ZNF765: variants seen among roughly 807,000 people sequenced by gnomAD.
ZNF765 encodes zinc finger protein 765.
ZNF765 carries 37 observed loss-of-function variants against 44.7 expected under a neutral mutation model. That is an observed-to-expected ratio of 0.83 (90% confidence interval 0.64 to 1.09). The LOEUF (loss-of-function observed/expected upper bound fraction) is 1.09, where lower values mean the gene tolerates loss of function less well. Ranked by LOEUF, ZNF765 falls within the 50% of genes least tolerant of loss-of-function variation. The pLI is 0.00. For synonymous variants in ZNF765, 201 were observed against 213.7 expected (o/e 0.94, Z 0.52); for missense variants, 594 against 626.1 (o/e 0.95, Z 0.55).
rs530584637 is a variant in ZNF765 at position 53,408,145 on chromosome 19, T to A, written c.590T>A (p.Leu197Gln). The A allele has an allele frequency of 1.9e-5, 30 of 1,613,956 alleles. No homozygotes were observed. The highest frequency in any genetic ancestry group is 2.3e-5 in the Non-Finnish European group (27 of 1,179,948). The change falls in exon 4 of 4, where the codon CTG (leucine) becomes CAG (glutamine). Residue 197 changes from leucine to glutamine, a missense_variant. Physicochemically the swap from Leu to Gln is moderately radical, Grantham distance 113 (BLOSUM62 -2). Around this residue, in one of 2 missense-constraint regions of ZNF765, gnomAD observed 567 missense variants for 572.6 expected, o/e 0.99. Coordinates refer to ENST00000396408, the MANE Select transcript of ZNF765 (RefSeq NM_001040185.3). ...HISNDYGNNFLNSSLFTQKQE... is the reference protein window; with the variant it reads ...HISNDYGNNFQNSSLFTQKQE... ...TCTAATGACTATGGGAATAATTTCC[T>A]GAATTCTTCATTATTCACACAAAAA...
At position 53,408,108 on chromosome 19, in the gene ZNF765, G is replaced by C; in HGVS notation, c.553G>C (p.Glu185Gln). Residue 185 changes from glutamate (E) to glutamine (Q), a missense_variant, in exon 4 of 4, where the codon GAA (glutamate) becomes CAA (glutamine). Around this residue, in one of 2 missense-constraint regions of ZNF765, gnomAD observed 567 missense variants for 572.6 expected, o/e 0.99. Transcript: ENST00000396408. ...AGCCCAAAGAATTTCTTGTAGGCCT[G>C]AAACCCATATTTCTAATGACTATGG... Reference protein sequence around the residue: ...STAQRISCRPETHISNDYGNN... With the variant: ...STAQRISCRPQTHISNDYGNN... 6.2e-7 allele frequency: 1 copy of C among 1,614,060 alleles called. No individual in the cohort carries two copies. Among genetic ancestry groups the C allele is most frequent in the Non-Finnish European group, 8.5e-7 (1 of 1,179,974 alleles).
At position 53,398,049 on chromosome 19, in the gene ZNF765, T is replaced by A; in HGVS notation, c.15+19T>A. Reference sequence around the variant, plus strand: ...TCCTCAGGTGAGATGATATTCTTGGTGGATTGTTCTGTCTCCTTCTTTTCA... The same window carrying A: ...TCCTCAGGTGAGATGATATTCTTGGAGGATTGTTCTGTCTCCTTCTTTTCA... On this transcript the variant is annotated intron_variant, in intron 2 of 3. Coordinates refer to ENST00000396408, the MANE Select transcript of ZNF765 (RefSeq NM_001040185.3). 1.9e-6 allele frequency: 3 copies of A among 1,612,952 alleles called. No individual in the cohort carries two copies. The highest frequency in any genetic ancestry group is 1.7e-5 in the Admixed American group (1 of 59,958).
At chr19:53,425,236 C>T in exon 4 of ZNF765, 1 of 152,382 alleles carries the variant, frequency 6.6e-6, no homozygotes, top group Non-Finnish European at 1.5e-5. Flanking sequence ...CCTCCCTCCA[C>T]CCACACCGCA....
exon 4 of ZNF765, chr19:53,426,829 A>T (rs2464897): frequency 3.3e-5 from 5 of 150,002 alleles, no homozygotes; most frequent in African/African-American, 1.2e-4. Flanking sequence ...TGCCAAAAAC[A>T]CTGGGAACCG....
exon 4 of ZNF765, chr19:53,426,584 G>A (rs1319706965): frequency 6.6e-6 from 1 of 152,458 alleles, no homozygotes; most frequent in East Asian, 1.9e-4. Context: ...CACAGCAGGA[G>A]GTGAGCAGTG....
chr19:53,410,053 C>T lies in ZNF765; in HGVS notation c.*926C>T. 4 of 468,236 alleles carry T rather than the reference C, an allele frequency of 8.5e-6. No individual in the cohort carries two copies. The highest frequency in any genetic ancestry group is 1.7e-5 in the Non-Finnish European group (4 of 230,316). The allele number at this position is 468,236 out of a possible 1,614,324, so 29.0% of individuals were successfully genotyped here. A position where few individuals can be genotyped will look rare whatever the true frequency, so the allele number is the denominator to read the frequency against. On this transcript the variant is annotated 3_prime_UTR_variant, in exon 4 of 4. Coordinates refer to ENST00000396408, the MANE Select transcript of ZNF765 (RefSeq NM_001040185.3). ...AAAATTTTTCAGACATCCTTCATAC[C>T]TTTGCAGTTCATGGGTGAAGTCGTA...
At chr19:53,402,317 C>T (rs1482177608) in intron 3 of ZNF765, 126 bp downstream of exon 3, 3 of 1,457,412 alleles carry the variant, frequency 2.1e-6, no homozygotes, top group Non-Finnish European at 2.7e-6. Flanking sequence ...AGTGCTGTGG[C>T]ATGATCTCGG....
At chr19:53,401,747 G>A (rs1012860603) in intron 2 of ZNF765, among the ~76,000 whole-genome samples, 12 of 152,022 alleles carry the variant, frequency 7.9e-5, no homozygotes, top group Non-Finnish European at 1.2e-4. Flanking sequence ...GTGGTGGCAC[G>A]TGCCTATAAT....
rs1441609163 is a variant in ZNF765, at chr19:53,411,896, A to G, written c.*2769A>G. 1 of 153,628 alleles carries G rather than the reference A, an allele frequency of 6.5e-6. No individual in the cohort carries two copies. The highest frequency in any genetic ancestry group is 2.4e-5 in the African/African-American group (1 of 41,474). 9.5% of individuals were successfully genotyped at this position (153,628 alleles called of 1,614,324 possible). The stretch of plus-strand genomic sequence containing the variant: ...TTGGTGCTGATACTGTATTGTGCAA[A>G]TCCACTGAATATGTTACTTAGTTCC... On this transcript the variant is annotated 3_prime_UTR_variant, in exon 4 of 4. Coordinates refer to ENST00000396408, the MANE Select transcript of ZNF765 (RefSeq NM_001040185.3).
At position 53,405,752 on chromosome 19, in the gene ZNF765, T is replaced by A. The variant is rs571005687; in HGVS notation, c.143-1946T>A. Among the ~76,000 whole-genome samples, 6 of 151,428 alleles carry A rather than the reference T, an allele frequency of 4.0e-5. No homozygotes were observed. The East Asian group carries it at 1.2e-3, about 29-fold the overall frequency. On this transcript the variant is annotated intron_variant, in intron 3 of 3. Transcript: ENST00000396408. ...ACATGGCTTTTGGCCAATATGAACA[T>A]TCAGACCAGGGAGGCTGCATCATAT...
intron 3 of ZNF765, among the ~76,000 whole-genome samples, chr19:53,418,573 T>C (rs1327150748): frequency 6.6e-6 from 1 of 151,780 alleles, no homozygotes; most frequent in East Asian, 1.9e-4. Flanking sequence ...CTTTGACAGG[T>C]AGAGTATGGA....
At chr19:53,414,604 C>A (rs1219521708), downstream of ZNF765, among the ~76,000 whole-genome samples, 1 of 150,116 alleles carries the variant, frequency 6.7e-6, no homozygotes, top group Non-Finnish European at 1.5e-5. Context: ...AAATCCCATT[C>A]TTTTCTGGCC....
intron 2 of ZNF765, among the ~76,000 whole-genome samples, 155 bp downstream of exon 2, chr19:53,398,185 T>C (rs2085689384): frequency 6.6e-6 from 1 of 152,206 alleles, no homozygotes; most frequent in Non-Finnish European, 1.5e-5. Flanking sequence ...CTTGCTTAGA[T>C]TCCATCTCCC....
At chr19:53,404,957 C>T (rs901293083) in intron 3 of ZNF765, among the ~76,000 whole-genome samples, 3 of 152,208 alleles carry the variant, frequency 2.0e-5, no homozygotes, top group Non-Finnish European at 4.4e-5. Context: ...GTGGCTCACA[C>T]CTCTAATCCC....
Position 53,410,683 on chromosome 19 carries a change from A to T in ZNF765, c.*1556A>T, listed in dbSNP as rs2085825463. Reference sequence around the variant, plus strand: ...TGAAGAGAGATCATACTAGTTTAATAAATTTGGCAAATTTTTCAGACATTG... The same window carrying T: ...TGAAGAGAGATCATACTAGTTTAATTAATTTGGCAAATTTTTCAGACATTG... On this transcript the variant is annotated 3_prime_UTR_variant, in exon 4 of 4. Transcript: ENST00000396408. 2.2e-6 allele frequency: 1 copy of T among 453,334 alleles called. No homozygotes were observed. The highest frequency in any genetic ancestry group is 4.5e-6 in the Non-Finnish European group (1 of 223,832). The allele number at this position is 453,334 out of a possible 1,614,324, so 28.1% of individuals were successfully genotyped here.
chr19:53,408,793 G>A lies in ZNF765; in HGVS notation c.1238G>A (p.Cys413Tyr), dbSNP rs1369250957. 6 of 1,614,140 alleles carry A rather than the reference G, an allele frequency of 3.7e-6. No homozygotes were observed. The highest frequency in any genetic ancestry group is 5.1e-6 in the Non-Finnish European group (6 of 1,180,024). Reference protein sequence around the residue: ...RLHTEEKPYKCNECGKTFNQQ... With the variant: ...RLHTEEKPYKYNECGKTFNQQ... ...CATACTGAAGAGAAACCTTACAAGT[G>A]TAATGAGTGTGGCAAGACCTTCAAT... Residue 413 changes from cysteine to tyrosine, a missense_variant, in exon 4 of 4, where the codon TGT becomes TAT. By Grantham distance (194) the Cys-to-Tyr change is radical. Coordinates refer to ENST00000396408, the MANE Select transcript of ZNF765 (RefSeq NM_001040185.3).
At chr19:53,401,243 G>C (rs568618084) in intron 2 of ZNF765, among the ~76,000 whole-genome samples, 1 of 152,238 alleles carries the variant, frequency 6.6e-6, no homozygotes, top group South Asian at 2.1e-4. Flanking sequence ...GCCTCATCTA[G>C]ATACTGAATG....
chr19:53,417,314 T>G (rs537599667), intron 3 of ZNF765, among the ~76,000 whole-genome samples: 58 of 152,156 alleles, frequency 3.8e-4, no homozygotes, highest in African/African-American at 1.4e-3. Context: ...CCAGTGTGTG[T>G]TGTTCCCCTC....
At chr19:53,400,763 C>CATACATATATATATATATATAT (rs374774697) in intron 2 of ZNF765, among the ~76,000 whole-genome samples, 2 of 116,792 alleles carry the variant, frequency 1.7e-5, no homozygotes, top group Non-Finnish European at 3.5e-5. Flanking sequence ...TATTTGTTGA[C>CATACATATATATATATATATAT]ATATATATAT....
Sources: allele counts gnomAD v4.1 joint callset (sites outside exome capture counted in the v4.1 genomes callset), GRCh38; gene constraint gnomAD v4.1.1; regional missense constraint gnomAD v4.1.1; transcripts MANE v1.5; gene names NCBI Gene and HGNC (gene_info 2026-07-23, HGNC 2026-07-21).